TSNARE1: variants seen among roughly 807,000 people sequenced by gnomAD.
The protein encoded by TSNARE1 is t-SNARE domain containing 1.
TSNARE1 carries 49 observed loss-of-function variants against 62.0 expected under a neutral mutation model. The ratio of observed to expected loss-of-function variants is 0.79; its 90% CI spans 0.63 to 1.00. The LOEUF (loss-of-function observed/expected upper bound fraction) is 1.00. Ranked by LOEUF, TSNARE1 falls within the 50% of genes least tolerant of loss-of-function variation. TSNARE1 has a pLI of 0.00. For missense variants in TSNARE1, 755 were observed against 700.1 expected (o/e 1.08, Z -0.88); for synonymous variants, 328 against 294.4 (o/e 1.11, Z -1.17).
intron 10 of TSNARE1, among the ~76,000 whole-genome samples, chr8:142,299,127 G>A (rs1218086253): frequency 6.6e-6 from 1 of 152,218 alleles, no homozygotes; most frequent in Non-Finnish European, 1.5e-5. Flanking sequence ...GGAGGCGGGG[G>A]CCCCAAACAC....
chr8:142,396,851 G>A (rs371216344), intron 1 of TSNARE1, among the ~76,000 whole-genome samples: 1 of 152,222 alleles, frequency 6.6e-6, no homozygotes, highest in South Asian at 2.1e-4. Flanking sequence ...AGGAGGTGTT[G>A]TTATAATCAG....
intron 10 of TSNARE1, among the ~76,000 whole-genome samples, chr8:142,289,240 CCA>C (rs2131018894): frequency 6.6e-6 from 1 of 152,334 alleles, no homozygotes; most frequent in East Asian, 1.9e-4. Flanking sequence ...AGGCAAGCAG[CCA>C]CAGTTAAGAA....
chr8:142,352,248 A>C (rs1834186759), intron 2 of TSNARE1, among the ~76,000 whole-genome samples: 2 of 152,266 alleles, frequency 1.3e-5, no homozygotes, highest in African/African-American at 4.8e-5. Flanking sequence ...GCTCACTGGC[A>C]GGAAGACCCA....
intron 10 of TSNARE1, among the ~76,000 whole-genome samples, chr8:142,292,775 C>T (rs755877407): frequency 9.2e-5 from 14 of 152,150 alleles, no homozygotes; most frequent in Non-Finnish European, 2.1e-4. Flanking sequence ...CTCCAGGCTG[C>T]ACCAGACCCA....
At chr8:142,341,931 G>A (rs1832638767) in intron 4 of TSNARE1, among the ~76,000 whole-genome samples, 1 of 152,194 alleles carries the variant, frequency 6.6e-6, no homozygotes, top group Admixed American at 6.5e-5. Flanking sequence ...CCAGAGACAA[G>A]CAGCCCACAG....
chr8:142,270,715 G>A, intron 12 of TSNARE1: 1 of 985,126 alleles, frequency 1.0e-6, no homozygotes, highest in Non-Finnish European at 1.2e-6. Flanking sequence ...CCAGTGAGCA[G>A]GGGGCCCCTC....
In TSNARE1 at chr8:142,291,099, G is replaced by A. The variant is rs1273832795; in HGVS notation, c.1291-6614C>T. ...GATGAATTGCTGCTCGCCACCCGCT[G>A]CTCAGGACTGGTGTCCTCAGCTGGG... On this transcript the variant is annotated intron_variant, in intron 10 of 13. Transcript: ENST00000524325. The surrounding 1 kb of genome is among the most constrained non-coding windows in gnomAD (Gnocchi z 4.8). 6.6e-6 allele frequency among the ~76,000 whole-genome samples: 1 copy of A among 152,090 alleles called. No homozygotes were observed. The highest frequency in any genetic ancestry group is 1.9e-4 in the East Asian group (1 of 5,154).
chr8:142,313,366 CTGTA>C (rs774929871), intron 9 of TSNARE1, among the ~76,000 whole-genome samples: 2 of 149,752 alleles, frequency 1.3e-5, no homozygotes, highest in Non-Finnish European at 3.0e-5. Flanking sequence ...GTCTCTTTAT[CTGTA>C]TGTGTCTGCA....
rs556235475 is a variant in TSNARE1 at position 142,234,956 on chromosome 8, A to G, written c.1447-5377T>C. Among the ~76,000 whole-genome samples the G allele has an allele frequency of 7.2e-5, 11 of 152,132 alleles. No homozygotes were observed. The East Asian group carries it at 2.1e-3, about 30-fold the overall frequency. ...GTGTGAGTGCCCCAGTCTAAATACA[A>G]GCAGAAAACTAGGGACCCCAGATGG... On this transcript the variant is annotated intron_variant, in intron 12 of 13. Coordinates refer to ENST00000524325, the MANE Select transcript of TSNARE1 (RefSeq NM_145003.5).
At chr8:142,316,287 C>A (rs1405663469) in intron 7 of TSNARE1, among the ~76,000 whole-genome samples, 1 of 151,674 alleles carries the variant, frequency 6.6e-6, no homozygotes, top group African/African-American at 2.4e-5. Context: ...AGCACCTGGT[C>A]CCCACAGAGT....
intron 12 of TSNARE1, chr8:142,270,911 C>A: frequency 5.1e-6 from 5 of 985,544 alleles, no homozygotes; most frequent in Non-Finnish European, 6.0e-6. Flanking sequence ...ATGGCAAGGA[C>A]GCGACATCAC....
At chr8:142,263,838 T>C (rs756653752) in intron 12 of TSNARE1, among the ~76,000 whole-genome samples, 1 of 152,258 alleles carries the variant, frequency 6.6e-6, no homozygotes, top group Non-Finnish European at 1.5e-5. Flanking sequence ...CTGCTGTTGC[T>C]AGTAGTTCAA....
chr8:142,326,863 A>G (rs1433928238), intron 6 of TSNARE1, among the ~76,000 whole-genome samples: 2 of 152,256 alleles, frequency 1.3e-5, no homozygotes, highest in Non-Finnish European at 2.9e-5. Flanking sequence ...AAGCAGATGA[A>G]AAGATGCTTG....
intron 4 of TSNARE1, among the ~76,000 whole-genome samples, chr8:142,341,957 C>T (rs1392751525): frequency 6.6e-6 from 1 of 152,248 alleles, no homozygotes; most frequent in East Asian, 1.9e-4. Flanking sequence ...GACAGCAGTG[C>T]TCTGTGTCAC....
At chr8:142,231,139 C>G (rs1817096667) in intron 12 of TSNARE1, among the ~76,000 whole-genome samples, 2 of 152,220 alleles carry the variant, frequency 1.3e-5, no homozygotes, top group Non-Finnish European at 2.9e-5. Flanking sequence ...CCCAGCTCAG[C>G]TCCCTCAACT....
At chr8:142,321,705 A>T (rs1479058316) in intron 6 of TSNARE1, among the ~76,000 whole-genome samples, 1 of 152,236 alleles carries the variant, frequency 6.6e-6, no homozygotes, top group African/African-American at 2.4e-5. Context: ...GACAACTAAG[A>T]TGAAATAGAA....
chr8:142,354,776 C>G lies in TSNARE1; in HGVS notation c.-39-13G>C, dbSNP rs777300120. 4 of 1,475,684 alleles carry G rather than the reference C, an allele frequency of 2.7e-6. No individual in the cohort carries two copies. In the South Asian group the frequency reaches 3.4e-5, roughly 13 times the overall value. 91.4% of individuals were successfully genotyped at this position (1,475,684 alleles called of 1,614,324 possible). On this transcript the variant is annotated splice_polypyrimidine_tract_variant and intron_variant, in intron 1 of 13. Transcript: ENST00000524325. ...CCTCCACACTGAGCTGGAGGAAACA[C>G]GAAAAGCAGGGGGAAGAGGGGGAAG...
At chr8:142,371,189 C>T (rs1835887512) in intron 1 of TSNARE1, among the ~76,000 whole-genome samples, 1 of 152,230 alleles carries the variant, frequency 6.6e-6, no homozygotes, top group African/African-American at 2.4e-5. Context: ...CTATTAAATA[C>T]ACATTGAACT....
intron 1 of TSNARE1, among the ~76,000 whole-genome samples, chr8:142,391,240 T>C (rs1425485639): frequency 2.1e-5 from 3 of 145,106 alleles, no homozygotes; most frequent in Non-Finnish European, 4.6e-5. Context: ...TAGCAGACGC[T>C]GTACACTGCT....
Sources: allele counts gnomAD v4.1 joint callset (sites outside exome capture counted in the v4.1 genomes callset), GRCh38; gene constraint gnomAD v4.1.1; non-coding constraint Gnocchi (gnomAD v3.1); transcripts MANE v1.5; gene names NCBI Gene and HGNC (gene_info 2026-07-23, HGNC 2026-07-21).